ZNF277: variants seen among roughly 807,000 people sequenced by gnomAD.
ZNF277 encodes the protein zinc finger protein 277.
In ZNF277, 55 loss-of-function variants were observed where a neutral mutation model predicts 60.7. The ratio of observed to expected loss-of-function variants is 0.91; its 90% CI spans 0.73 to 1.13. ZNF277 has a LOEUF of 1.13. Among genes scored for constraint, ZNF277 ranks in the 50% most tolerant of loss-of-function variants. The probability of loss-of-function intolerance (pLI) is 0.00; values close to 1 mark genes in which losing one functional copy is unlikely to be tolerated. For missense variants in ZNF277, 510 were observed against 523.0 expected (o/e 0.98, Z 0.24); for synonymous variants, 178 against 179.3 (o/e 0.99, Z 0.06).
intron 4 of ZNF277, among the ~76,000 whole-genome samples, chr7:112,296,930 T>TATTATTA (rs1411716765): frequency 1.1e-5 from 1 of 88,724 alleles, no homozygotes; most frequent in African/African-American, 3.8e-5. Flanking sequence ...TTTTTTTTTT[T>TATTATTA]TTTTTTTTTT....
chr7:112,230,200 G>A (rs1387188542), intron 1 of ZNF277, among the ~76,000 whole-genome samples: 3 of 152,190 alleles, frequency 2.0e-5, no homozygotes, highest in Non-Finnish European at 4.4e-5. Flanking sequence ...GCCAAGGTGG[G>A]TGTATCACCT....
rs1305445884 is a variant in ZNF277 at position 112,343,868 on chromosome 7, G to C, written c.*1139G>C. Among the ~76,000 whole-genome samples, 1 of 150,034 alleles carries C rather than the reference G, an allele frequency of 6.7e-6. No individual in the cohort carries two copies. Among genetic ancestry groups the C allele is most frequent in the Non-Finnish European group, 1.5e-5 (1 of 67,642 alleles). On this transcript the variant is annotated 3_prime_UTR_variant, in exon 12 of 12. Transcript: ENST00000361822. Reference sequence around the variant, plus strand: ...TTGAATCCAGGAGGCAAAAGTTGCAGTGAGCCGAGATCACACCACTGCAGT... The same window carrying C: ...TTGAATCCAGGAGGCAAAAGTTGCACTGAGCCGAGATCACACCACTGCAGT...
intron 1 of ZNF277, among the ~76,000 whole-genome samples, chr7:112,276,360 G>T (rs1445845418): frequency 2.6e-5 from 4 of 152,144 alleles, no homozygotes; most frequent in African/African-American, 9.7e-5. Context: ...TATTGCTTAT[G>T]CTTGCTTATA....
At chr7:112,321,859 G>A (rs564032644) in intron 5 of ZNF277, among the ~76,000 whole-genome samples, 1 of 152,162 alleles carries the variant, frequency 6.6e-6, no homozygotes, top group African/African-American at 2.4e-5. Flanking sequence ...ACTAAGGACT[G>A]CCTGCCTGTA....
At chr7:112,244,539 T>C (rs962552136) in intron 1 of ZNF277, among the ~76,000 whole-genome samples, 4 of 152,180 alleles carry the variant, frequency 2.6e-5, no homozygotes, top group Admixed American at 2.6e-4. Flanking sequence ...CAGTGACTTT[T>C]ACTTCTTTAA....
intron 11 of ZNF277, among the ~76,000 whole-genome samples, chr7:112,341,643 TC>T (rs1200616478): frequency 6.6e-6 from 1 of 152,228 alleles, no homozygotes. Flanking sequence ...GTTGTTGGAT[TC>T]CCATGTATCC....
chr7:112,267,440 A>G (rs1183703444), intron 1 of ZNF277, among the ~76,000 whole-genome samples: 1 of 152,186 alleles, frequency 6.6e-6, no homozygotes, highest in Non-Finnish European at 1.5e-5. Context: ...TAGTTATCTT[A>G]CTGAAAATTA....
intron 1 of ZNF277, among the ~76,000 whole-genome samples, chr7:112,265,926 A>G (rs1791540108): frequency 6.6e-6 from 1 of 152,128 alleles, no homozygotes; most frequent in Non-Finnish European, 1.5e-5. Flanking sequence ...GAATGAGAGG[A>G]GATGGTAAAA....
At chr7:112,214,929 G>A (rs963851091) in intron 1 of ZNF277, among the ~76,000 whole-genome samples, 2 of 151,918 alleles carry the variant, frequency 1.3e-5, no homozygotes, top group South Asian at 2.1e-4. Context: ...GGGGAAAATC[G>A]TTTAACCTCT....
intron 1 of ZNF277, among the ~76,000 whole-genome samples, chr7:112,218,801 T>C (rs937205874): frequency 2.0e-5 from 3 of 152,238 alleles, no homozygotes; most frequent in Admixed American, 6.5e-5. Flanking sequence ...TTTCCTTCTT[T>C]CGTAAGGCTG....
chr7:112,335,940 A>G (rs1450636333), intron 7 of ZNF277, among the ~76,000 whole-genome samples, 164 bp from the exon 8 acceptor site: 4 of 152,236 alleles, frequency 2.6e-5, no homozygotes, highest in African/African-American at 7.2e-5. Flanking sequence ...GAATCAAACC[A>G]TCATAAGTTG....
At chr7:112,340,677 T>C (rs1336653196) in intron 10 of ZNF277, among the ~76,000 whole-genome samples, 195 bp from the exon 11 acceptor site, 1 of 152,178 alleles carries the variant, frequency 6.6e-6, no homozygotes, top group East Asian at 1.9e-4. Context: ...CATGGAAAAT[T>C]ATTAGAATAG....
At chr7:112,311,836 A>G (rs1792739433) in intron 4 of ZNF277, among the ~76,000 whole-genome samples, 1 of 152,126 alleles carries the variant, frequency 6.6e-6, no homozygotes, top group Admixed American at 6.6e-5. Context: ...CCTGATCAGC[A>G]ATTGTCAGTA....
chr7:112,269,470 T>A (rs1791621698), intron 1 of ZNF277, among the ~76,000 whole-genome samples: 1 of 152,110 alleles, frequency 6.6e-6, no homozygotes, highest in African/African-American at 2.4e-5. Context: ...TATTATTGTT[T>A]TGCAGGAAAA....
chr7:112,263,566 C>A (rs1247260636), intron 1 of ZNF277, among the ~76,000 whole-genome samples: 2 of 152,148 alleles, frequency 1.3e-5, no homozygotes, highest in African/African-American at 4.8e-5. Context: ...AAAGCCCCAG[C>A]TTTTGTAGCT....
At chr7:112,313,414 G>A (rs1165436935) in intron 4 of ZNF277, among the ~76,000 whole-genome samples, 1 of 151,814 alleles carries the variant, frequency 6.6e-6, no homozygotes, top group Non-Finnish European at 1.5e-5. Context: ...CTCCTGGATA[G>A]CTGGACTACA....
chr7:112,213,279 C>CT (rs1821800825), intron 1 of ZNF277, among the ~76,000 whole-genome samples: 1 of 152,212 alleles, frequency 6.6e-6, no homozygotes, highest in Non-Finnish European at 1.5e-5. Context: ...ATGTGAAACT[C>CT]TAAGTCCAAT....
chr7:112,216,293 T>G (rs1292244710), intron 1 of ZNF277, among the ~76,000 whole-genome samples: 2 of 152,100 alleles, frequency 1.3e-5, no homozygotes, highest in African/African-American at 2.4e-5. Context: ...TAGGTTTTTT[T>G]TGGTTTTGTT....
At chr7:112,213,752 TTTC>T (rs1218121858) in intron 1 of ZNF277, among the ~76,000 whole-genome samples, 1 of 152,196 alleles carries the variant, frequency 6.6e-6, no homozygotes, top group Non-Finnish European at 1.5e-5. Context: ...GAAACAGACT[TTTC>T]TTACACATAA....
Sources: allele counts gnomAD v4.1 joint callset (sites outside exome capture counted in the v4.1 genomes callset), GRCh38; gene constraint gnomAD v4.1.1; transcripts MANE v1.5; gene names NCBI Gene and HGNC (gene_info 2026-07-23, HGNC 2026-07-21).